The following TM4SF4 variants were observed in gnomAD, a reference collection of about 807,000 sequenced individuals.
The protein encoded by TM4SF4 is transmembrane 4 L6 family member 4.
In TM4SF4, 24 loss-of-function variants were observed where a neutral mutation model predicts 24.1. The ratio of observed to expected loss-of-function variants is 1.00; its 90% CI spans 0.72 to 1.40. The LOEUF is 1.40. Ranked by LOEUF, TM4SF4 falls within the 40% of genes most tolerant of loss-of-function variation. TM4SF4 has a pLI of 0.00. For synonymous variants in TM4SF4, 113 were observed against 97.0 expected (o/e 1.17, Z -0.97); for missense variants, 254 against 254.2 (o/e 1.00, Z 0.01).
At position 149,484,424 on chromosome 3, in the gene TM4SF4, C is replaced by T. The variant is rs147902965; in HGVS notation, c.265-3195C>T. ...TTTGAGATGGACTCTCGCTCTGTCA[C>T]CCAGGCTGGAGTGTAGTGGTGCCAT... is the stretch of plus-strand genomic sequence containing the variant. On this transcript the variant is annotated intron_variant, in intron 2 of 4. Transcript: ENST00000305354. Among the ~76,000 whole-genome samples, 580 of 152,314 alleles carry T rather than the reference C, an allele frequency of 3.8e-3. 2 individuals carry two copies. The highest frequency in any genetic ancestry group is 0.013 in the African/African-American group (536 of 41,564).
At chr3:149,500,892 G>T (rs151010530) in intron 4 of TM4SF4, among the ~76,000 whole-genome samples, 1 of 151,946 alleles carries the variant, frequency 6.6e-6, no homozygotes, top group Admixed American at 6.6e-5. Flanking sequence ...AGATGTGGTG[G>T]CATGCACCTG....
chr3:149,492,908 G>A (rs115016059), intron 3 of TM4SF4, among the ~76,000 whole-genome samples: 5 of 152,316 alleles, frequency 3.3e-5, no homozygotes, highest in African/African-American at 1.2e-4. Flanking sequence ...TCATGAACCA[G>A]AAACAGTTCA....
chr3:149,495,486 C>T (rs764958377), intron 3 of TM4SF4: 53 of 426,582 alleles, frequency 1.2e-4, no homozygotes, highest in Non-Finnish European at 2.1e-4. Flanking sequence ...CTCCAGTCAA[C>T]GTTACAACTA....
At chr3:149,475,789 T>A in intron 1 of TM4SF4, 34 bp from the exon 2 acceptor site, 1 of 1,570,784 alleles carries the variant, frequency 6.4e-7, no homozygotes, top group Non-Finnish European at 8.7e-7. Context: ...CTTCAACTCC[T>A]GGACTCTCTC....
intron 3 of TM4SF4, among the ~76,000 whole-genome samples, chr3:149,488,003 G>A (rs543951044): frequency 6.6e-5 from 10 of 152,354 alleles, no homozygotes; most frequent in Middle Eastern, 3.4e-3. Context: ...TGGCCTGAGG[G>A]AAGGAAGAGA....
intron 4 of TM4SF4, among the ~76,000 whole-genome samples, chr3:149,499,524 A>T (rs1734376773): frequency 6.6e-6 from 1 of 152,204 alleles, no homozygotes; most frequent in Non-Finnish European, 1.5e-5. Context: ...TATTTCAACT[A>T]ATACCCAAAT....
intron 3 of TM4SF4, among the ~76,000 whole-genome samples, chr3:149,498,002 G>A (rs2107876497): frequency 6.6e-6 from 1 of 152,266 alleles, no homozygotes. Context: ...ATATATTGCA[G>A]TTTCTCCTAA....
intron 2 of TM4SF4, 40 bp from the exon 3 acceptor site, chr3:149,487,579 C>T: frequency 6.2e-7 from 1 of 1,612,592 alleles, no homozygotes; most frequent in East Asian, 2.2e-5. Context: ...ATCCTCTGGA[C>T]CACCTGGAGA....
intron 3 of TM4SF4, among the ~76,000 whole-genome samples, chr3:149,491,387 G>A (rs530612026): frequency 6.6e-6 from 1 of 152,038 alleles, no homozygotes; most frequent in African/African-American, 2.4e-5. Flanking sequence ...GATCGTTTGG[G>A]CCCAGGAGGT....
chr3:149,485,727 G>A (rs2107869916), intron 2 of TM4SF4, among the ~76,000 whole-genome samples: 1 of 152,306 alleles, frequency 6.6e-6, no homozygotes. Flanking sequence ...CCAGGAAGTT[G>A]AGGCTGCAGT....
At chr3:149,475,766 G>T in intron 1 of TM4SF4, 57 bp from the exon 2 acceptor site, 2 of 1,471,394 alleles carry the variant, frequency 1.4e-6, no homozygotes, top group Non-Finnish European at 1.9e-6. Flanking sequence ...AGTCAGGCAG[G>T]CTCGGGCCCT....
intron 2 of TM4SF4, among the ~76,000 whole-genome samples, chr3:149,484,519 G>A (rs1734084723): frequency 6.6e-6 from 1 of 151,464 alleles, no homozygotes; most frequent in East Asian, 1.9e-4. Context: ...GAGTAACTGG[G>A]ATTACAGGCA....
chr3:149,478,126 C>CA (rs1560028522), intron 2 of TM4SF4, among the ~76,000 whole-genome samples: 1 of 151,954 alleles, frequency 6.6e-6, no homozygotes, highest in Admixed American at 6.6e-5. Flanking sequence ...AAGATGAAGG[C>CA]AAAAAAAGTT....
intron 2 of TM4SF4, among the ~76,000 whole-genome samples, chr3:149,480,003 C>A (rs1325885757): frequency 3.9e-5 from 6 of 152,156 alleles, no homozygotes; most frequent in African/African-American, 1.4e-4. Flanking sequence ...TTCATAGTTT[C>A]TTGGTAAAGC....
intron 3 of TM4SF4, chr3:149,494,801 A>G (rs575747176): frequency 3.9e-5 from 6 of 152,718 alleles, no homozygotes; most frequent in African/African-American, 1.4e-4. Flanking sequence ...GGAGGCTGCT[A>G]AGAAGGGAAA....
intron 2 of TM4SF4, among the ~76,000 whole-genome samples, chr3:149,485,128 T>A (rs552167961): frequency 6.6e-6 from 1 of 152,254 alleles, no homozygotes; most frequent in Non-Finnish European, 1.5e-5. Context: ...CCTTCATTTC[T>A]GAGGAATAAT....
intron 2 of TM4SF4, among the ~76,000 whole-genome samples, chr3:149,476,291 C>G (rs1038463780): frequency 3.3e-5 from 5 of 152,188 alleles, no homozygotes; most frequent in African/African-American, 4.8e-5. Context: ...CCTGAATTGC[C>G]TCATCTGCAA....
chr3:149,476,347 T>C (rs1009986325), intron 2 of TM4SF4, among the ~76,000 whole-genome samples: 5 of 152,232 alleles, frequency 3.3e-5, no homozygotes, highest in African/African-American at 1.2e-4. Context: ...CCCTCCCCAG[T>C]AGGCTTCTAG....
intron 4 of TM4SF4, among the ~76,000 whole-genome samples, chr3:149,499,408 A>G (rs1488360141): frequency 6.6e-6 from 1 of 152,170 alleles, no homozygotes; most frequent in Non-Finnish European, 1.5e-5. Flanking sequence ...ATATGGGAAG[A>G]AAAAAGGGAA....
Sources: gnomAD v4.1 joint callset for allele counts (sites outside exome capture counted in the v4.1 genomes callset) on GRCh38, gnomAD v4.1.1 for gene constraint, MANE v1.5 for transcripts, NCBI Gene and HGNC (gene_info 2026-07-23, HGNC 2026-07-21) for gene names.